KCNH8: variants seen among roughly 807,000 people sequenced by gnomAD.
The protein encoded by KCNH8 is potassium voltage-gated channel subfamily H member 8, also known as voltage-gated delayed rectifier potassium channel KCNH8.
KCNH8 carries 70 observed loss-of-function variants against 103.6 expected under a neutral mutation model. The observed-to-expected ratio is 0.68, with a 90% CI of 0.56 to 0.82. The LOEUF is 0.82. KCNH8 is among the 40% of genes least tolerant of loss of function. KCNH8 has a pLI of 0.00. For missense variants in KCNH8, 1,217 were observed against 1,329.9 expected (o/e 0.92, Z 1.32); for synonymous variants, 498 against 489.4 (o/e 1.02, Z -0.23).
intron 3 of KCNH8, among the ~76,000 whole-genome samples, chr3:19,284,884 AAAGG>A (rs1223201399): frequency 1.3e-4 from 19 of 149,296 alleles, no homozygotes; most frequent in Non-Finnish European, 2.5e-4. Context: ...AAAAAAAAGA[AAAGG>A]AAAGAAAGAA....
intron 1 of KCNH8, among the ~76,000 whole-genome samples, chr3:19,231,950 G>A (rs114326005): frequency 0.018 from 2,709 of 152,110 alleles, 77 homozygotes; most frequent in African/African-American, 0.06. Context: ...ATTAATTGCC[G>A]CGAGTTTTGA....
intron 1 of KCNH8, among the ~76,000 whole-genome samples, chr3:19,177,408 A>G (rs1330801072): frequency 1.3e-5 from 2 of 152,092 alleles, no homozygotes; most frequent in Admixed American, 6.6e-5. Flanking sequence ...TCATGCATCT[A>G]TGACATGTTT....
chr3:19,476,777 G>A (rs1550560), intron 11 of KCNH8, among the ~76,000 whole-genome samples: 109,715 of 151,942 alleles, frequency 0.72, 40,943 homozygotes, highest in African/African-American at 0.92. Context: ...TATGAGCCAC[G>A]TATTAGTAAA....
intron 2 of KCNH8, among the ~76,000 whole-genome samples, chr3:19,263,544 G>A (rs759393683): frequency 2.0e-5 from 3 of 152,090 alleles, no homozygotes; most frequent in African/African-American, 7.2e-5. Context: ...GATCAGTTGA[G>A]ACAGTGAACC....
intron 1 of KCNH8, among the ~76,000 whole-genome samples, chr3:19,178,617 A>G (rs2063422561): frequency 6.6e-6 from 1 of 152,168 alleles, no homozygotes; most frequent in African/African-American, 2.4e-5. Flanking sequence ...TTGAATTCTG[A>G]GTAGAATCTG....
intron 11 of KCNH8, among the ~76,000 whole-genome samples, chr3:19,461,045 C>T (rs963729819): frequency 8.5e-5 from 13 of 152,200 alleles, no homozygotes; most frequent in East Asian, 7.7e-4. Context: ...TTTTTATTAG[C>T]GGCATGAGAA....
chr3:19,407,101 T>TATA (rs2066703658), intron 7 of KCNH8, among the ~76,000 whole-genome samples: 1 of 152,160 alleles, frequency 6.6e-6, no homozygotes, highest in Non-Finnish European at 1.5e-5. Flanking sequence ...TGACCTGATA[T>TATA]ATGTCTTTTT....
chr3:19,187,161 C>A (rs1043486834), intron 1 of KCNH8, among the ~76,000 whole-genome samples: 1 of 151,740 alleles, frequency 6.6e-6, no homozygotes. Context: ...ACAAAAACAG[C>A]CTGCAAAGCA....
intron 5 of KCNH8, among the ~76,000 whole-genome samples, chr3:19,382,463 A>G (rs116759458): frequency 6.2e-4 from 94 of 152,304 alleles, no homozygotes; most frequent in African/African-American, 2.2e-3. Flanking sequence ...GTACTTAAAC[A>G]ATTCCTCTCA....
At chr3:19,438,446 A>G in intron 8 of KCNH8, 85 bp downstream of exon 8, 1 of 1,069,462 alleles carries the variant, frequency 9.4e-7, no homozygotes, top group Non-Finnish European at 1.4e-6. Flanking sequence ...CTGAAATACA[A>G]AACAGATAAA....
intron 15 of KCNH8, among the ~76,000 whole-genome samples, chr3:19,531,575 G>A (rs899405540): frequency 2.0e-5 from 3 of 152,148 alleles, no homozygotes; most frequent in Non-Finnish European, 4.4e-5. Context: ...TTTTGGCCTG[G>A]CAATTTCAAG....
chr3:19,411,132 C>G (rs568364920), intron 7 of KCNH8, among the ~76,000 whole-genome samples: 2 of 152,100 alleles, frequency 1.3e-5, no homozygotes, highest in South Asian at 4.1e-4. Flanking sequence ...ATATAGCAAA[C>G]CAAACGCAAC....
chr3:19,486,468 C>A (rs772474252), intron 11 of KCNH8, among the ~76,000 whole-genome samples: 1 of 152,240 alleles, frequency 6.6e-6, no homozygotes, highest in Non-Finnish European at 1.5e-5. Flanking sequence ...AGGGCCGTTG[C>A]TGCCAGGGCC....
Position 19,419,194 on chromosome 3 carries a change from G to GTTTTTTTTT in KCNH8, c.1178-18970_1178-18969insTTTTTTTTT, listed in dbSNP as rs1491504046. 8.9e-4 allele frequency among the ~76,000 whole-genome samples: 57 copies of GTTTTTTTTT among 64,112 alleles called. 5 individuals are homozygous for GTTTTTTTTT. The highest frequency in any genetic ancestry group is 1.6e-3 in the African/African-American group (22 of 14,072). The allele number at this position is 64,112 out of a possible 152,430, so 42.1% of individuals were successfully genotyped here. A position where few individuals can be genotyped will look rare whatever the true frequency, so the allele number is the denominator to read the frequency against. ...AAAAAGAAGTAATTAAAATGGTTTT[G>GTTTTTTTTT]GTTTTTTTTTTTTTTTTTTTTTTGA... is the stretch of plus-strand genomic sequence containing the variant. On this transcript the variant is annotated intron_variant, in intron 7 of 15. Coordinates refer to ENST00000328405, the MANE Select transcript of KCNH8 (RefSeq NM_144633.3).
intron 1 of KCNH8, among the ~76,000 whole-genome samples, chr3:19,190,399 G>A (rs997477066): frequency 9.2e-5 from 14 of 151,898 alleles, no homozygotes; most frequent in African/African-American, 3.4e-4. Context: ...GGCTAGTCAA[G>A]GCCACTTGTC....
intron 2 of KCNH8, among the ~76,000 whole-genome samples, chr3:19,276,444 A>G (rs1368048784): frequency 6.6e-6 from 1 of 152,114 alleles, no homozygotes; most frequent in East Asian, 1.9e-4. Flanking sequence ...TGTATTTATC[A>G]TTAAAAATTT....
chr3:19,528,182 T>C (rs2069098503), intron 15 of KCNH8, among the ~76,000 whole-genome samples: 1 of 152,098 alleles, frequency 6.6e-6, no homozygotes, highest in African/African-American at 2.4e-5. Context: ...TTATGTTTCC[T>C]TTATGCACTG....
chr3:19,221,636 C>T (rs762655498), intron 1 of KCNH8, among the ~76,000 whole-genome samples: 15 of 151,998 alleles, frequency 9.9e-5, no homozygotes, highest in Admixed American at 6.5e-5. Flanking sequence ...ATTGTCCCTT[C>T]TACAGCCTTA....
At chr3:19,174,545 TATTA>T (rs1385115699) in intron 1 of KCNH8, among the ~76,000 whole-genome samples, 5 of 152,178 alleles carry the variant, frequency 3.3e-5, no homozygotes, top group Non-Finnish European at 7.4e-5. Flanking sequence ...TATGAAGGAA[TATTA>T]ATTATAGTTT....
Sources: gnomAD v4.1 joint callset for allele counts (sites outside exome capture counted in the v4.1 genomes callset) on GRCh38, gnomAD v4.1.1 for gene constraint, MANE v1.5 for transcripts, NCBI Gene and HGNC (gene_info 2026-07-23, HGNC 2026-07-21) for gene names.